The following BCKDHB variants were observed in gnomAD, a reference collection of about 807,000 sequenced individuals.
BCKDHB encodes branched chain keto acid dehydrogenase E1 subunit beta, also known as 2-oxoisovalerate dehydrogenase subunit beta, mitochondrial.
A neutral mutation model predicts 48.5 loss-of-function variants in BCKDHB; 41 were observed. The ratio of observed to expected loss-of-function variants is 0.85; its 90% CI spans 0.66 to 1.10. The LOEUF (loss-of-function observed/expected upper bound fraction) is 1.10, where lower values mean the gene tolerates loss of function less well. BCKDHB is among the 50% of genes least tolerant of loss of function. BCKDHB has a pLI of 0.00. For synonymous variants in BCKDHB, 201 were observed against 174.8 expected, an observed-to-expected ratio of 1.15 and a Z score of -1.18; for missense variants, 496 against 494.2, an observed-to-expected ratio of 1.00 and a Z score of -0.03.
downstream of BCKDHB, among the ~76,000 whole-genome samples, chr6:80,350,344 C>T (rs1770357524): frequency 6.7e-6 from 1 of 149,654 alleles, no homozygotes; most frequent in Non-Finnish European, 1.5e-5. Context: ...TAGTAAGTTC[C>T]AAATGAGAAA....
In BCKDHB at chr6:80,198,001, A is replaced by G. The variant is rs910374807; in HGVS notation, c.743-2933A>G. Among the ~76,000 whole-genome samples, 4 of 151,814 alleles carry G rather than the reference A, an allele frequency of 2.6e-5. No homozygotes were observed. In the East Asian group the frequency reaches 5.8e-4, roughly 22 times the overall value. ...ATCCGTCTATGCATCTATCCATGCA[A>G]TGAATACTGGGGTTAAGCCATCAAT... is the stretch of plus-strand genomic sequence containing the variant. On this transcript the variant is annotated intron_variant, in intron 6 of 9. Transcript: ENST00000320393.
the BCKDHB span, among the ~76,000 whole-genome samples, chr6:80,391,795 T>G: frequency 1.0e-3 from 153 of 152,284 alleles, no homozygotes; most frequent in African/African-American, 3.5e-3. Flanking sequence ...AATTTTGGGT[T>G]TACCATTTTA....
At chr6:80,313,941 T>C (rs1220022586) in intron 9 of BCKDHB, among the ~76,000 whole-genome samples, 1 of 152,184 alleles carries the variant, frequency 6.6e-6, no homozygotes, top group East Asian at 1.9e-4. Context: ...CTGCTTTAGC[T>C]GCATCCCAGA....
rs770619012 is a variant in BCKDHB, at chr6:80,168,846, CA to C, written c.478-28del. On this transcript the variant is annotated intron_variant, in intron 4 of 9. Coordinates refer to ENST00000320393, the MANE Select transcript of BCKDHB (RefSeq NM_183050.4). Reference sequence around the variant, plus strand: ...ATTGGAAGGGAAGGACTCATTGTGCCATGCCCCGTCTTTCTTTCTGACCCTC... The same window carrying C: ...ATTGGAAGGGAAGGACTCATTGTGCCTGCCCCGTCTTTCTTTCTGACCCTC... 8.7e-6 allele frequency: 14 copies of C among 1,611,644 alleles called. 1 individual carries two copies. In the East Asian group the frequency reaches 3.1e-4, roughly 36 times the overall value.
chr6:80,347,263 C>T (rs894065184), downstream of BCKDHB, among the ~76,000 whole-genome samples: 1 of 152,148 alleles, frequency 6.6e-6, no homozygotes, highest in South Asian at 2.1e-4. Context: ...AAAACTTGTA[C>T]AGCATAGGAA....
intron 9 of BCKDHB, among the ~76,000 whole-genome samples, chr6:80,301,252 G>A (rs1293595062): frequency 3.3e-5 from 5 of 151,930 alleles, no homozygotes; most frequent in East Asian, 3.9e-4. Context: ...CCAAGAGGTC[G>A]TTCTTCAAAA....
the BCKDHB span, among the ~76,000 whole-genome samples, chr6:80,388,624 G>A: frequency 6.6e-6 from 1 of 152,182 alleles, no homozygotes; most frequent in African/African-American, 2.4e-5. Flanking sequence ...GAAGGCACAA[G>A]TAAGTTACAT....
At chr6:80,337,289 CTG>C (rs1769641301) in intron 9 of BCKDHB, among the ~76,000 whole-genome samples, 2 of 152,238 alleles carry the variant, frequency 1.3e-5, no homozygotes, top group African/African-American at 4.8e-5. Context: ...AAATATAAAT[CTG>C]TGAGTTCACG....
At chr6:80,425,218 G>T in the BCKDHB span, among the ~76,000 whole-genome samples, 1 of 152,056 alleles carries the variant, frequency 6.6e-6, no homozygotes, top group South Asian at 2.1e-4. Context: ...ACTTAACTAG[G>T]TTGTATGTAT....
At chr6:80,123,032 A>C (rs778286065) in intron 1 of BCKDHB, among the ~76,000 whole-genome samples, 3 of 127,466 alleles carry the variant, frequency 2.4e-5, no homozygotes, top group Non-Finnish European at 4.6e-5. Context: ...ATTCCTTGCT[A>C]GGAAAAGAAT....
intron 1 of BCKDHB, among the ~76,000 whole-genome samples, chr6:80,113,674 G>C (rs1174007328): frequency 6.6e-6 from 1 of 152,148 alleles, no homozygotes; most frequent in Non-Finnish European, 1.5e-5. Context: ...CCAGGTTCTT[G>C]GCATTTTGAA....
the BCKDHB span, among the ~76,000 whole-genome samples, chr6:80,439,868 A>G: frequency 6.6e-6 from 1 of 152,198 alleles, no homozygotes; most frequent in South Asian, 2.1e-4. Context: ...TGCTGGCACA[A>G]TGAACACATT....
chr6:80,401,063 A>G, the BCKDHB span, among the ~76,000 whole-genome samples: 1 of 151,318 alleles, frequency 6.6e-6, no homozygotes, highest in Non-Finnish European at 1.5e-5. Flanking sequence ...GGCCTATTGA[A>G]GGGTGAAGGG....
At chr6:80,407,446 G>A in the BCKDHB span, among the ~76,000 whole-genome samples, 2 of 152,152 alleles carry the variant, frequency 1.3e-5, no homozygotes, top group Non-Finnish European at 2.9e-5. Context: ...GTTACCTTGG[G>A]CAGTATGGCC....
chr6:80,297,996 G>A (rs745366335), intron 9 of BCKDHB, among the ~76,000 whole-genome samples: 4 of 151,392 alleles, frequency 2.6e-5, no homozygotes, highest in African/African-American at 9.7e-5. Context: ...CCAAAATAGG[G>A]TCTGTGCTGC....
chr6:80,443,505 G>A, the BCKDHB span: 127 of 152,226 alleles, frequency 8.3e-4, 1 homozygote, highest in African/African-American at 2.9e-3. Context: ...GTGAAAAGCG[G>A]GAAGAGCTTC....
intron 3 of BCKDHB, among the ~76,000 whole-genome samples, chr6:80,136,864 G>C (rs1246269672): frequency 5.9e-5 from 9 of 152,066 alleles, no homozygotes; most frequent in Non-Finnish European, 1.5e-5. Context: ...GTGAAAAGAT[G>C]CTCAACATCA....
chr6:80,387,108 C>T, the BCKDHB span, among the ~76,000 whole-genome samples: 2 of 152,110 alleles, frequency 1.3e-5, no homozygotes, highest in Admixed American at 6.6e-5. Flanking sequence ...GACCCAAAAC[C>T]TCATTGTGGT....
At chr6:80,187,265 T>G (rs1352985854) in intron 6 of BCKDHB, among the ~76,000 whole-genome samples, 3 of 152,222 alleles carry the variant, frequency 2.0e-5, no homozygotes, top group African/African-American at 7.2e-5. Flanking sequence ...TTTGGAATCA[T>G]GCCTGACACA....
Sources: allele counts gnomAD v4.1 joint callset (sites outside exome capture counted in the v4.1 genomes callset), GRCh38; gene constraint gnomAD v4.1.1; transcripts MANE v1.5; gene names NCBI Gene and HGNC (gene_info 2026-07-23, HGNC 2026-07-21).